Variants in CAST observed in about 807,000 individuals in gnomAD.
CAST encodes the protein MIR583 host.
In CAST, 76 loss-of-function variants were observed where a neutral mutation model predicts 119.6. The ratio of observed to expected loss-of-function variants is 0.64; its 90% CI spans 0.53 to 0.77. The LOEUF (loss-of-function observed/expected upper bound fraction) is 0.77. CAST is among the 30% of genes least tolerant of loss of function. CAST has a pLI of 0.00. For missense variants in CAST, 953 were observed against 946.5 expected (o/e 1.01, Z -0.09); for synonymous variants, 319 against 331.6 (o/e 0.96, Z 0.41).
chr5:96,713,735 G>T (rs1756658641), intron 3 of CAST, among the ~76,000 whole-genome samples: 1 of 152,128 alleles, frequency 6.6e-6, no homozygotes, highest in Non-Finnish European at 1.5e-5. Flanking sequence ...GCACTTCGGG[G>T]AGGCTGAGGT....
At chr5:96,408,158 A>AC in the CAST span, 1 of 1,153,140 alleles carries the variant, frequency 8.7e-7, no homozygotes, top group East Asian at 2.5e-5. Context: ...TCAGAAAAAA[A>AC]AGTGTTATTA....
the CAST span, chr5:95,970,445 C>T: frequency 6.6e-6 from 1 of 152,178 alleles, no homozygotes; most frequent in Non-Finnish European, 1.5e-5. Flanking sequence ...TGATAATTTG[C>T]AACAAGCATT....
the CAST span, among the ~76,000 whole-genome samples, chr5:96,326,757 A>C: frequency 8.0e-6 from 1 of 124,798 alleles, no homozygotes; most frequent in Non-Finnish European, 1.6e-5. Context: ...CACACAGCAG[A>C]TTCTCAGTGA....
the CAST span, among the ~76,000 whole-genome samples, chr5:96,424,049 A>G: frequency 2.6e-5 from 4 of 152,112 alleles, no homozygotes; most frequent in African/African-American, 7.2e-5. Context: ...TCCTTTTAAA[A>G]TACATTTTCT....
At chr5:96,420,555 A>G in the CAST span, among the ~76,000 whole-genome samples, 2 of 152,038 alleles carry the variant, frequency 1.3e-5, no homozygotes, top group Non-Finnish European at 2.9e-5. Context: ...TGAACTATCC[A>G]CAAGCCTCCC....
the CAST span, among the ~76,000 whole-genome samples, chr5:96,325,325 T>G: frequency 6.6e-6 from 1 of 152,014 alleles, no homozygotes; most frequent in Non-Finnish European, 1.5e-5. Flanking sequence ...ATAAATAAAT[T>G]TGGGATGTAA....
At chr5:96,507,529 G>A in the CAST span, among the ~76,000 whole-genome samples, 244 of 152,200 alleles carry the variant, frequency 1.6e-3, no homozygotes, top group African/African-American at 5.4e-3. Context: ...AATAGTTTTC[G>A]CTGAATGAAA....
intron 1 of CAST, among the ~76,000 whole-genome samples, chr5:96,560,721 T>C (rs1166232341): frequency 2.0e-4 from 30 of 151,858 alleles, no homozygotes; most frequent in Non-Finnish European, 4.0e-4. Context: ...GGAGAGGATG[T>C]GGAGAAATAG....
chr5:96,546,990 C>T (rs1455197272), intron 1 of CAST, among the ~76,000 whole-genome samples: 1 of 152,124 alleles, frequency 6.6e-6, no homozygotes, highest in Admixed American at 6.5e-5. Flanking sequence ...GTGAACAATA[C>T]CACACCAGGT....
chr5:96,009,611 G>A, the CAST span, among the ~76,000 whole-genome samples: 1 of 152,046 alleles, frequency 6.6e-6, no homozygotes, highest in Non-Finnish European at 1.5e-5. Context: ...AGAAGTGTCT[G>A]TTCATGTCCG....
intron 1 of CAST, among the ~76,000 whole-genome samples, chr5:96,623,149 C>T (rs1189247095): frequency 6.6e-6 from 1 of 152,088 alleles, no homozygotes; most frequent in Non-Finnish European, 1.5e-5. Flanking sequence ...CAGGCATGAG[C>T]CACTGCACCC....
intron 1 of CAST, among the ~76,000 whole-genome samples, chr5:96,557,711 C>G (rs1037498156): frequency 6.6e-6 from 1 of 152,184 alleles, no homozygotes; most frequent in African/African-American, 2.4e-5. Context: ...AAACCAAGTC[C>G]TTAGAGACCT....
the CAST span, among the ~76,000 whole-genome samples, chr5:96,514,036 C>T: frequency 6.6e-6 from 1 of 152,142 alleles, no homozygotes; most frequent in Non-Finnish European, 1.5e-5. Context: ...AGTGCCTCTT[C>T]TCTTCTGTTT....
chr5:96,052,494 A>AT, the CAST span, among the ~76,000 whole-genome samples: 5 of 152,202 alleles, frequency 3.3e-5, no homozygotes, highest in Admixed American at 6.5e-5. Flanking sequence ...GTACATTTAG[A>AT]TTTTTTTATA....
At chr5:96,478,658 A>G in the CAST span, among the ~76,000 whole-genome samples, 1 of 152,262 alleles carries the variant, frequency 6.6e-6, no homozygotes, top group Admixed American at 6.5e-5. Flanking sequence ...ATGGATTAAC[A>G]TAAAGTAGAA....
the CAST span, among the ~76,000 whole-genome samples, chr5:96,453,581 G>GAAGAGATCC: frequency 6.6e-6 from 1 of 152,186 alleles, no homozygotes; most frequent in Non-Finnish European, 1.5e-5. Context: ...AGCACTGATA[G>GAAGAGATCC]AAGAGATCCA....
At chr5:96,366,079 G>A in the CAST span, among the ~76,000 whole-genome samples, 11,424 of 152,026 alleles carry the variant, frequency 0.075, 1,370 homozygotes, top group African/African-American at 0.25. Context: ...TTTCTCCTTT[G>A]CTTATGAAGC....
chr5:96,377,579 C>T, the CAST span, among the ~76,000 whole-genome samples: 2 of 152,116 alleles, frequency 1.3e-5, no homozygotes, highest in Admixed American at 6.5e-5. Flanking sequence ...CAGGCTATAG[C>T]GGGTAGCCTA....
the CAST span, among the ~76,000 whole-genome samples, chr5:96,154,364 C>G: frequency 6.6e-6 from 1 of 151,628 alleles, no homozygotes; most frequent in South Asian, 2.1e-4. Context: ...TTATTTAGGT[C>G]AGTTTTTAAA....
Sources: gnomAD v4.1 joint callset for allele counts (sites outside exome capture counted in the v4.1 genomes callset) on GRCh38, gnomAD v4.1.1 for gene constraint, MANE v1.5 for transcripts, NCBI Gene and HGNC (gene_info 2026-07-23, HGNC 2026-07-21) for gene names.